The following GUSB variants were observed in gnomAD, a reference collection of about 807,000 sequenced individuals.
GUSB encodes beta-glucuronidase.
In GUSB, 51 loss-of-function variants were observed where a neutral mutation model predicts 74.6. The ratio of observed to expected loss-of-function variants is 0.68; its 90% CI spans 0.55 to 0.86. The LOEUF (loss-of-function observed/expected upper bound fraction) is 0.86, where lower values mean the gene tolerates loss of function less well. Among genes scored for constraint, GUSB ranks in the 40% least tolerant of loss-of-function variants. The pLI, the probability that GUSB is intolerant of heterozygous loss-of-function variation, is 0.00. For missense variants in GUSB, 736 were observed against 853.7 expected, an observed-to-expected ratio of 0.86 and a Z score of 1.72; for synonymous variants, 360 against 348.3, an observed-to-expected ratio of 1.03 and a Z score of -0.37.
chr7:65,980,488 A>C, intron 1 of GUSB, 79 bp from the exon 2 acceptor site: 1 of 1,308,798 alleles, frequency 7.6e-7, no homozygotes, highest in Non-Finnish European at 1.1e-6. Context: ...CTGTGCCCCC[A>C]GGCCTAGCAC....
rs372605666 is a variant in GUSB, at chr7:65,960,842, G to A, written c.*55C>T. On this transcript the variant is annotated 3_prime_UTR_variant, in exon 12 of 12. Coordinates refer to ENST00000304895, the MANE Select transcript of GUSB (RefSeq NM_000181.4). ...TCCAGGAGGCACTTGTTCTGCTGCT[G>A]TGGAAGTCGCCCTGACTCGGGGAGG... The A allele has an allele frequency of 1.2e-3, 1,758 of 1,473,214 alleles. 24 individuals are homozygous for A. In the South Asian group the frequency reaches 0.019, roughly 16 times the overall value. The allele number at this position is 1,473,214 out of a possible 1,614,324, so 91.3% of individuals were successfully genotyped here. A position where few individuals can be genotyped will look rare whatever the true frequency, so the allele number is the denominator to read the frequency against.
At chr7:65,979,632 C>T (rs1791848018) in intron 3 of GUSB, 91 bp from the exon 4 acceptor site, 1 of 1,594,386 alleles carries the variant, frequency 6.3e-7, no homozygotes, top group Non-Finnish European at 8.6e-7. Flanking sequence ...AGATCCAAGG[C>T]CTCCACTCTG....
chr7:65,960,783 CCAGGCCAGAAACGTT>C lies in GUSB; in HGVS notation c.*99_*113del. The C allele has an allele frequency of 1.2e-6, 1 of 864,914 alleles. No individual in the cohort carries two copies. Among genetic ancestry groups the C allele is most frequent in the Non-Finnish European group, 2.0e-6 (1 of 501,800 alleles). 53.6% of individuals were successfully genotyped at this position (864,914 alleles called of 1,614,324 possible). A position where few individuals can be genotyped will look rare whatever the true frequency, so the allele number is the denominator to read the frequency against. On this transcript the variant is annotated 3_prime_UTR_variant, in exon 12 of 12. Transcript: ENST00000304895. ...CTGCTAGAATAGATGACCACAAAAC[CCAGGCCAGAAACGTT>C]CTGGTCTGCCGTGAACAGTCCAGGA...
chr7:65,968,620 C>CT (rs1413312720), intron 9 of GUSB, among the ~76,000 whole-genome samples: 5 of 152,220 alleles, frequency 3.3e-5, no homozygotes, highest in Non-Finnish European at 7.3e-5. Flanking sequence ...GAGTCTCGCT[C>CT]TGTCGCCCAG....
At chr7:65,967,634 G>A (rs1029855609) in intron 10 of GUSB, 97 bp downstream of exon 10, 17 of 1,019,504 alleles carry the variant, frequency 1.7e-5, no homozygotes, top group African/African-American at 3.1e-5. Context: ...AAGCTGAAGC[G>A]AGGGGAGCAG....
chr7:65,966,099 G>A (rs1342873358), intron 10 of GUSB, among the ~76,000 whole-genome samples: 1 of 152,072 alleles, frequency 6.6e-6, no homozygotes, highest in Non-Finnish European at 1.5e-5. Context: ...GAACCAGGGA[G>A]GTGGACATTG....
At position 65,982,202 on chromosome 7, in the gene GUSB, C is replaced by G. The variant is rs771999951; in HGVS notation, c.-19G>C. On this transcript the variant is annotated 5_prime_UTR_variant, in exon 1 of 12. Transcript: ENST00000304895. ...GGGCCATGCTTCCCGGTCCCCCGCT[C>G]GGCCACCGTCTGCGGCGCTAAGAAA... is the stretch of plus-strand genomic sequence containing the variant. The G allele has an allele frequency of 1.2e-4, 179 of 1,493,186 alleles. 1 individual carries two copies. The East Asian group carries it at 4.7e-3, about 40-fold the overall frequency. The allele number at this position is 1,493,186 out of a possible 1,614,324, so 92.5% of individuals were successfully genotyped here.
chr7:65,969,135 C>T (rs1319595236), intron 9 of GUSB, among the ~76,000 whole-genome samples: 1 of 152,046 alleles, frequency 6.6e-6, no homozygotes, highest in Non-Finnish European at 1.5e-5. Flanking sequence ...AATCCCAGCA[C>T]GTTGGGAGGC....
intron 1 of GUSB, among the ~76,000 whole-genome samples, chr7:65,981,135 G>A (rs184260361): frequency 1.3e-5 from 2 of 152,198 alleles, no homozygotes; most frequent in African/African-American, 4.8e-5. Context: ...CGCTTTGGGA[G>A]GTCAACGTGG....
Position 65,967,781 on chromosome 7 carries a change from G to C in GUSB, c.1603C>G (p.Pro535Ala). Residue 535 changes from proline to alanine, a missense_variant, in exon 10 of 12, where the codon CCC becomes GCC. This residue lies in a region of GUSB where 368 missense variants were observed against 489.9 expected (regional missense o/e 0.75). Transcript: ENST00000304895. ...FENWYKKYQK[P>A]IIQSEYGAET... Reference sequence around the variant, plus strand: ...GCTCCATACTCGCTCTGAATAATGGGCTTCTGATACTTCTTATACCAGTTC... The same window carrying C: ...GCTCCATACTCGCTCTGAATAATGGCCTTCTGATACTTCTTATACCAGTTC... 6.2e-7 allele frequency: 1 copy of C among 1,613,350 alleles called. No homozygotes were observed. The highest frequency in any genetic ancestry group is 8.5e-7 in the Non-Finnish European group (1 of 1,179,772).
chr7:65,970,637 T>C (rs1199433154), intron 8 of GUSB, among the ~76,000 whole-genome samples: 1 of 151,988 alleles, frequency 6.6e-6, no homozygotes, highest in East Asian at 1.9e-4. Context: ...CTCACGCCTG[T>C]AATCCCAGCA....
At chr7:65,980,185 G>GTT in intron 2 of GUSB, 39 bp downstream of exon 2, 5 of 725,272 alleles carry the variant, frequency 6.9e-6, no homozygotes, top group Non-Finnish European at 1.2e-5. Flanking sequence ...CAGCAGCCGT[G>GTT]CCCCCCCACC....
chr7:65,961,160 G>A, intron 11 of GUSB, 97 bp from the exon 12 acceptor site: 9 of 1,241,866 alleles, frequency 7.2e-6, no homozygotes, highest in Non-Finnish European at 9.3e-6. Context: ...AAATAGAAAT[G>A]TCTTTTTTTT....
intron 5 of GUSB, chr7:65,975,431 C>G (rs1265928212): frequency 2.8e-6 from 1 of 351,038 alleles, no homozygotes; most frequent in South Asian, 2.2e-5. Context: ...GTCCCCCAGG[C>G]TGGAGTGCAG....
chr7:65,974,707 A>G lies in GUSB; in HGVS notation c.1066-3T>C, dbSNP rs1057521974. ...CAGTCGAAGCCCTTCCCTCGGATCT[A>G]GGAGATAGCAGAGCCAAGTGACCCC... On this transcript the variant is annotated splice_region_variant and splice_polypyrimidine_tract_variant and intron_variant, in intron 6 of 11. Transcript: ENST00000304895. 1 of 1,612,134 alleles carries G rather than the reference A, an allele frequency of 6.2e-7. No individual in the cohort carries two copies. The highest frequency in any genetic ancestry group is 8.5e-7 in the Non-Finnish European group (1 of 1,179,632).
rs866996794 is a variant in GUSB at position 65,974,416 on chromosome 7, G to T, written c.1270C>A (p.His424Asn). The T allele has an allele frequency of 5.0e-6, 8 of 1,614,082 alleles. No homozygotes were observed. In the African/African-American group the frequency reaches 8.0e-5, roughly 16 times the overall value. The change falls in exon 8 of 12, where the codon CAT becomes AAT. Residue 424 changes from histidine to asparagine, a missense_variant. Transcript: ENST00000304895. ...LPQFFNNVSL[H>N]HHMQVMEEVV... ...TCTTCCATCACCTGCATGTGGTGATGCAGAGAAACGTTGTTGAAGAACTGC... is the reference window on the plus strand; with the variant it reads ...TCTTCCATCACCTGCATGTGGTGATTCAGAGAAACGTTGTTGAAGAACTGC...
rs772851630 is a variant in GUSB at position 65,974,510 on chromosome 7, C to T, written c.1244+16G>A. The T allele has an allele frequency of 4.3e-6, 7 of 1,614,126 alleles. No individual in the cohort carries two copies. In the South Asian group the frequency reaches 7.7e-5, roughly 18 times the overall value. ...CCGGGCTGGGCAGGCGGAGCAGGTG[C>T]ACAGCAGAGACTCACGGCAGCGCCA... On this transcript the variant is annotated intron_variant, in intron 7 of 11. Transcript: ENST00000304895.
chr7:65,973,179 C>T (rs1219382974), intron 8 of GUSB, among the ~76,000 whole-genome samples: 3 of 152,112 alleles, frequency 2.0e-5, no homozygotes, highest in Non-Finnish European at 1.5e-5. Flanking sequence ...TAGCCGGGCA[C>T]GGTGGCTCAC....
chr7:65,976,111 A>AT lies in GUSB; in HGVS notation c.815dup (p.Asn272LysfsTer10). 6.2e-7 allele frequency: 1 copy of AT among 1,613,938 alleles called. No homozygotes were observed. The highest frequency in any genetic ancestry group is 1.1e-5 in the South Asian group (1 of 91,076). ...TAAGTTGGCCCTGGGTCCCAGTCCC[A>AT]TTCGCCACGACTTTGTTTTCTGCAT... On this transcript the variant is annotated frameshift_variant, in exon 5 of 12. Transcript: ENST00000304895. LOFTEE classifies it high-confidence loss of function.
Sources: gnomAD v4.1 joint callset for allele counts (sites outside exome capture counted in the v4.1 genomes callset) on GRCh38, gnomAD v4.1.1 for gene constraint, gnomAD v4.1.1 regional missense constraint, MANE v1.5 for transcripts, NCBI Gene and HGNC (gene_info 2026-07-23, HGNC 2026-07-21) for gene names.